TREH: variants seen among roughly 807,000 people sequenced by gnomAD.
TREH encodes the protein alpha,alpha-trehalose glucohydrolase.
A neutral mutation model predicts 80.5 loss-of-function variants in TREH; 69 were observed. That is an observed-to-expected ratio of 0.86 (90% confidence interval 0.71 to 1.05). The LOEUF (loss-of-function observed/expected upper bound fraction) is 1.05, where lower values mean the gene tolerates loss of function less well. TREH is among the 50% of genes least tolerant of loss of function. The pLI is 0.00. For missense variants in TREH, 716 were observed against 718.8 expected (o/e 1.00, Z 0.04); for synonymous variants, 309 against 293.5 (o/e 1.05, Z -0.54).
Position 118,658,313 on chromosome 11 carries a change from GAGGCTGGGCAGA to G in TREH, c.1716_1727del (p.Pro574_Leu577del). The G allele has an allele frequency of 6.3e-7, 1 of 1,589,648 alleles. No homozygotes were observed. Among genetic ancestry groups the G allele is most frequent in the Non-Finnish European group, 8.6e-7 (1 of 1,168,924 alleles). On this transcript the variant is annotated inframe_deletion, in exon 15 of 15. Coordinates refer to ENST00000264029, the MANE Select transcript of TREH (RefSeq NM_007180.3). Reference sequence around the variant, plus strand: ...GTCACCATGGCAGGAGGCTGAGCAGGAGGCTGGGCAGAAGGGTGGCCGCCAGGCAGTGGGGCT... The same window carrying G: ...GTCACCATGGCAGGAGGCTGAGCAGGAGGGTGGCCGCCAGGCAGTGGGGCT...
intron 14 of TREH, 64 bp from the exon 15 acceptor site, chr11:118,658,505 G>C: frequency 6.4e-7 from 1 of 1,571,598 alleles, no homozygotes. Flanking sequence ...TGGGGGCTGT[G>C]GGCTCTCTCC....
chr11:118,660,065 G>A (rs1555144582), intron 10 of TREH, 101 bp from the exon 11 acceptor site: 6 of 1,162,396 alleles, frequency 5.2e-6, no homozygotes, highest in Non-Finnish European at 7.2e-6. Context: ...GTGTTTCTCT[G>A]CAAAGGCTGA....
intron 1 of TREH, among the ~76,000 whole-genome samples, chr11:118,663,893 C>G (rs1293937196): frequency 6.6e-6 from 1 of 152,070 alleles, no homozygotes; most frequent in Non-Finnish European, 1.5e-5. Flanking sequence ...ATTTGAGAGA[C>G]AATTACTAGC....
At chr11:118,670,331 C>T (rs187801527) in intron 1 of TREH, among the ~76,000 whole-genome samples, 6 of 152,342 alleles carry the variant, frequency 3.9e-5, no homozygotes, top group African/African-American at 1.2e-4. Flanking sequence ...ACCCAGCAAC[C>T]TGGGTCAAAG....
rs1949310202 is a variant in TREH, at chr11:118,660,680, C to T, written c.961G>A (p.Asp321Asn). Residue 321 changes from aspartate to asparagine, a missense_variant, in exon 10 of 15, where the codon GAC becomes AAC. Asp to Asn is a conservative substitution (Grantham distance 23). Coordinates refer to ENST00000264029, the MANE Select transcript of TREH (RefSeq NM_007180.3). ...ELKAGAESGW[D>N]FSSRWLIGGP... ...CCAATGAGCCAGCGTGAAGAGAAGT[C>T]CCAGCCAGACTCAGCCCCAGCCTTG... The T allele has an allele frequency of 1.2e-6, 2 of 1,602,850 alleles. No homozygotes were observed. The highest frequency in any genetic ancestry group is 1.1e-5 in the South Asian group (1 of 89,010).
chr11:118,659,539 A>G (rs1332577846), intron 11 of TREH, 58 bp from the exon 12 acceptor site: 4 of 1,460,876 alleles, frequency 2.7e-6, no homozygotes, highest in African/African-American at 1.4e-5. Flanking sequence ...GAGCCAGGAC[A>G]GGACGCTGGA....
chr11:118,660,832 G>C (rs782527651), intron 9 of TREH, 34 bp downstream of exon 9: 2 of 1,557,118 alleles, frequency 1.3e-6, no homozygotes. Context: ...CAGCTGCCCT[G>C]CCCCCAGCCC....
chr11:118,661,978 C>T lies in TREH; in HGVS notation c.436G>A (p.Val146Ile), dbSNP rs1555145108. 4 of 1,553,046 alleles carry T rather than the reference C, an allele frequency of 2.6e-6. No individual in the cohort carries two copies. The highest frequency in any genetic ancestry group is 3.5e-6 in the Non-Finnish European group (4 of 1,147,818). Residue 146 changes from valine to isoleucine, a missense_variant, in exon 5 of 15, where the codon GTT (valine) becomes ATT (isoleucine). By Grantham distance (29) the Val-to-Ile change is conservative. Coordinates refer to ENST00000264029, the MANE Select transcript of TREH (RefSeq NM_007180.3). This position sits in a 1 kb window ranked among gnomAD's most constrained non-coding sequence, Gnocchi z 4.2. ...KKLGKKMKPE[V>I]LSHPERFSLI... ...GAGAACCGCTCAGGGTGGCTGAGAA[C>T]CTCTGGCTTCATCTGGAGTCGGGAG...
At position 118,663,124 on chromosome 11, in the gene TREH, G is replaced by A. The variant is rs567918999; in HGVS notation, c.263C>T (p.Ala88Val). 2.0e-5 allele frequency: 32 copies of A among 1,613,956 alleles called. 2 individuals carry two copies. In the South Asian group the frequency reaches 2.3e-4, roughly 12 times the overall value. ...NHSIPREQLQ[A>V]FVHEHFQAKG... ...GGCCTGGAAGTGTTCGTGGACAAAC[G>A]CCTGCAGCTGCTCCCTGGGGATGCT... The change falls in exon 3 of 15, where the codon GCG becomes GTG. Residue 88 changes from alanine (A) to valine (V), a missense_variant. Ala to Val is a moderately conservative substitution (Grantham distance 64). Transcript: ENST00000264029.
intron 1 of TREH, among the ~76,000 whole-genome samples, chr11:118,678,357 C>CTATTAT (rs35368922): frequency 1.3e-5 from 2 of 151,008 alleles, no homozygotes; most frequent in East Asian, 1.9e-4. Context: ...TGTTTTGCTT[C>CTATTAT]TATTATTATT....
Position 118,661,908 on chromosome 11 carries a change from A to C in TREH, c.506T>G (p.Phe169Cys). ...EHPFIVPGGR[F>C]VEFYYWDSYW... is the part of the protein sequence containing the mutation. ...CGCTCACCAGTAGTAGAACTCAACA[A>C]AGCGACCGCCAGGCACAATGAAGGG... Residue 169 changes from phenylalanine to cysteine, a missense_variant, in exon 5 of 15, where the codon TTT becomes TGT. Phe to Cys is a radical substitution (Grantham distance 205). Transcript: ENST00000264029. This position sits in a 1 kb window ranked among gnomAD's most constrained non-coding sequence, Gnocchi z 4.2. The C allele has an allele frequency of 6.4e-7, 1 of 1,556,382 alleles. No individual in the cohort carries two copies. The highest frequency in any genetic ancestry group is 1.4e-5 in the African/African-American group (1 of 73,334).
chr11:118,662,113 TG>T, intron 4 of TREH, 123 bp from the exon 5 acceptor site: 1 of 720,938 alleles, frequency 1.4e-6, no homozygotes, highest in Non-Finnish European at 2.4e-6. Context: ...GGTTCAGCGC[TG>T]GCTCCACTGC....
chr11:118,666,494 GCT>G (rs1949379142), intron 1 of TREH, among the ~76,000 whole-genome samples: 1 of 152,230 alleles, frequency 6.6e-6, no homozygotes, highest in Non-Finnish European at 1.5e-5. Context: ...GAGTGGCACT[GCT>G]CTGAGATTTG....
rs563336482 is a variant in TREH at position 118,679,604 on chromosome 11, C to G, written c.24G>C (p.Leu8=). The G allele has an allele frequency of 6.5e-7, 1 of 1,549,988 alleles. No homozygotes were observed. Among genetic ancestry groups the G allele is most frequent in the East Asian group, 2.4e-5 (1 of 42,060 alleles). ...CCAGCCCCAGCAGCAGTAGCAGGCA[C>G]AGCTCCCAGGTCCTCCCTGGCATGG... The part of the protein sequence containing the change: MPGRTWE[L]CLLLLLGLGL... Residue 8 remains leucine (L), a synonymous_variant, in exon 1 of 15, where the codon CTG becomes CTC. Coordinates refer to ENST00000264029, the MANE Select transcript of TREH (RefSeq NM_007180.3).
intron 1 of TREH, among the ~76,000 whole-genome samples, chr11:118,677,267 A>G (rs1252135270): frequency 2.0e-5 from 3 of 152,254 alleles, no homozygotes; most frequent in Admixed American, 6.5e-5. Flanking sequence ...GTGATTGGCA[A>G]TACTTCATGC....
rs1056207907 is a variant in TREH, at chr11:118,663,200, G to A, written c.191-4C>T. 1.2e-6 allele frequency: 2 copies of A among 1,603,758 alleles called. No homozygotes were observed. The highest frequency in any genetic ancestry group is 8.5e-7 in the Non-Finnish European group (1 of 1,175,000). On this transcript the variant is annotated splice_region_variant and splice_polypyrimidine_tract_variant and intron_variant, in intron 2 of 14. Transcript: ENST00000264029. ...GTGAAGGTCTGCAGGACTTGTTCTGGAGAGCAGGCAGCAGGGAGGGGTCAG... is the reference window on the plus strand; with the variant it reads ...GTGAAGGTCTGCAGGACTTGTTCTGAAGAGCAGGCAGCAGGGAGGGGTCAG...
intron 12 of TREH, 81 bp downstream of exon 12, chr11:118,659,289 G>T: frequency 8.1e-7 from 1 of 1,236,772 alleles, no homozygotes. Context: ...TGTGTCTTTT[G>T]TTCATGCCTC....
At position 118,674,306 on chromosome 11, in the gene TREH, C is replaced by T. The variant is rs1218199405; in HGVS notation, c.89+5233G>A. On this transcript the variant is annotated intron_variant, in intron 1 of 14. Coordinates refer to ENST00000264029, the MANE Select transcript of TREH (RefSeq NM_007180.3). This position sits in a 1 kb window ranked among gnomAD's most constrained non-coding sequence, Gnocchi z 4.4. ...TAAGACTTTTGCTATAAAGTCCAGT[C>T]TATGCTCCAGAGAAGGCTAACAATC... Among the ~76,000 whole-genome samples, 7 of 152,304 alleles carry T rather than the reference C, an allele frequency of 4.6e-5. No individual in the cohort carries two copies. The highest frequency in any genetic ancestry group is 1.7e-4 in the African/African-American group (7 of 41,562).
At position 118,659,798 on chromosome 11, in the gene TREH, G is replaced by T; in HGVS notation, c.1269C>A (p.Ala423=). 1 of 1,583,404 alleles carries T rather than the reference G, an allele frequency of 6.3e-7. No individual in the cohort carries two copies. The change falls in exon 11 of 15, where the codon GCC becomes GCA. Residue 423 remains alanine, a synonymous_variant. Coordinates refer to ENST00000264029, the MANE Select transcript of TREH (RefSeq NM_007180.3). ...FYPSNLTPLW[A]GCFSDPGVAD... ...CCACGCCAGGGTCAGAGAAACACCC[G>T]GCCCAGAGTGGAGTGAGGTTGGATG...
Sources: allele counts gnomAD v4.1 joint callset (sites outside exome capture counted in the v4.1 genomes callset), GRCh38; gene constraint gnomAD v4.1.1; non-coding constraint Gnocchi (gnomAD v3.1); transcripts MANE v1.5; gene names NCBI Gene and HGNC (gene_info 2026-07-23, HGNC 2026-07-21).